Variants in IDO2 observed in about 807,000 individuals in gnomAD.
The protein encoded by IDO2 is indoleamine 2,3-dioxygenase-like 1 protein.
Under a neutral mutation model 45.1 loss-of-function variants are expected in IDO2, and 46 were observed. The observed-to-expected ratio is 1.02, with a 90% CI of 0.80 to 1.30. The LOEUF (loss-of-function observed/expected upper bound fraction) is 1.30. Ranked by LOEUF, IDO2 falls within the 50% of genes most tolerant of loss-of-function variation. The pLI is 0.00. For missense variants in IDO2, 544 were observed against 491.8 expected (o/e 1.11, Z -1.00); for synonymous variants, 218 against 184.9 (o/e 1.18, Z -1.45).
intron 2 of IDO2, 135 bp from the exon 3 acceptor site, chr8:39,963,473 T>C: frequency 1.6e-6 from 1 of 611,294 alleles, no homozygotes; most frequent in Non-Finnish European, 2.9e-6. Context: ...CTAACTAGCA[T>C]ATGGTGCATT....
intron 3 of IDO2, among the ~76,000 whole-genome samples, chr8:39,977,108 A>G (rs1808270147): frequency 1.3e-5 from 2 of 152,220 alleles, no homozygotes; most frequent in African/African-American, 2.4e-5. Flanking sequence ...AAAATTTTAG[A>G]ACATTTATAT....
chr8:39,996,699 G>A (rs1016005269), intron 8 of IDO2, among the ~76,000 whole-genome samples: 1 of 152,058 alleles, frequency 6.6e-6, no homozygotes, highest in Admixed American at 6.6e-5. Context: ...ACAGGCATGA[G>A]CCACCGCATC....
chr8:39,934,918 G>A, exon 1 of IDO2: 3 of 569,596 alleles, frequency 5.3e-6, no homozygotes, highest in East Asian at 3.2e-5. Context: ...GCTGGTGTCT[G>A]CAAAGTTGAG....
At chr8:39,962,580 T>A (rs1324244816) in intron 2 of IDO2, among the ~76,000 whole-genome samples, 5 of 152,264 alleles carry the variant, frequency 3.3e-5, no homozygotes, top group African/African-American at 1.2e-4. Flanking sequence ...CCAGGAAGAA[T>A]TAGGCAGGTG....
chr8:39,957,042 CAAA>C (rs56064306), intron 2 of IDO2, among the ~76,000 whole-genome samples: 39 of 31,324 alleles, frequency 1.2e-3, no homozygotes, highest in Admixed American at 6.0e-3. Flanking sequence ...GACTCCATCT[CAAA>C]AAAAAAAAAA....
At chr8:39,961,990 A>G (rs377430206) in intron 2 of IDO2, among the ~76,000 whole-genome samples, 9 of 152,336 alleles carry the variant, frequency 5.9e-5, no homozygotes, top group Admixed American at 2.0e-4. Context: ...CTTGCTTACC[A>G]TATGGTTTAT....
chr8:39,947,684 G>A (rs1453083687), intron 1 of IDO2, among the ~76,000 whole-genome samples: 1 of 151,938 alleles, frequency 6.6e-6, no homozygotes, highest in Non-Finnish European at 1.5e-5. Context: ...TGTCTCCTTT[G>A]TTTGGTGTAC....
intron 6 of IDO2, among the ~76,000 whole-genome samples, chr8:39,986,626 T>C (rs1331948641): frequency 6.6e-6 from 1 of 152,072 alleles, no homozygotes; most frequent in Non-Finnish European, 1.5e-5. Flanking sequence ...TTAGAAATGA[T>C]TCCTCTGTAA....
rs1242933460 is a variant in IDO2, at chr8:39,994,575, G to T, written c.667+4737G>T. ...CCTGGACTGATTATTTTTTAAATAG[G>T]GTTAGAAAGTGAGGAAGTTACTAAA... On this transcript the variant is annotated intron_variant, in intron 8 of 10. Coordinates refer to ENST00000502986, the Ensembl canonical transcript of IDO2. Among the ~76,000 whole-genome samples, 4 of 152,146 alleles carry T rather than the reference G, an allele frequency of 2.6e-5. 1 individual carries two copies. In the Middle Eastern group the frequency reaches 0.01, roughly 388 times the overall value.
intron 8 of IDO2, among the ~76,000 whole-genome samples, chr8:39,993,985 C>A (rs965834597): frequency 2.6e-5 from 4 of 151,646 alleles, no homozygotes. Context: ...CCAGCCTGGG[C>A]GACAGAGTGA....
Position 39,982,572 on chromosome 8 carries a change from G to A in IDO2, c.316-80G>A, listed in dbSNP as rs571146823. The stretch of plus-strand genomic sequence containing the variant: ...ATCATTTCTGTACCACAGGATTGCC[G>A]AAATAAAAGACAACCATGGTTATTT... On this transcript the variant is annotated intron_variant, in intron 4 of 10. Transcript: ENST00000502986. 2.0e-4 allele frequency: 195 copies of A among 978,944 alleles called. 1 individual carries two copies. Among genetic ancestry groups the A allele is most frequent in the Admixed American group, 2.5e-4 (10 of 39,894 alleles). The allele number at this position is 978,944 out of a possible 1,614,324, so 60.6% of individuals were successfully genotyped here.
intron 4 of IDO2, among the ~76,000 whole-genome samples, chr8:39,982,268 C>A (rs1808365324): frequency 6.7e-6 from 1 of 150,374 alleles, no homozygotes; most frequent in South Asian, 2.1e-4. Context: ...ATATATATTT[C>A]TATCCTTCCA....
rs536506056 is a variant in IDO2 at position 40,015,288 on chromosome 8, C to A, written c.910C>A (p.His304Asn). The A allele has an allele frequency of 1.1e-4, 176 of 1,613,230 alleles. 1 individual carries two copies. In the South Asian group the frequency reaches 1.8e-3, roughly 17 times the overall value. The stretch of plus-strand genomic sequence containing the variant: ...AATGAGGGATTACATGCCTCCTTCC[C>A]ATAAGGCCTTCATAGAAGACATCCA... Residue 304 changes from histidine to asparagine, a missense_variant, in exon 11 of 11, where the codon CAT becomes AAT. His to Asn is a moderately conservative substitution (Grantham distance 68, BLOSUM62 1). Coordinates refer to ENST00000502986, the Ensembl canonical transcript of IDO2.
intron 9 of IDO2, among the ~76,000 whole-genome samples, chr8:40,013,167 A>T (rs1802332676): frequency 6.6e-6 from 1 of 152,118 alleles, no homozygotes; most frequent in South Asian, 2.1e-4. Flanking sequence ...GTTAAAAAGT[A>T]TCTGCTCATC....
At chr8:39,939,242 C>CA (rs57921420) in intron 1 of IDO2, among the ~76,000 whole-genome samples, 29,695 of 114,654 alleles carry the variant, frequency 0.26, 4,904 homozygotes, top group Non-Finnish European at 0.36. Context: ...GACTCCATCT[C>CA]AAAAAAAAAA....
chr8:39,964,389 C>T (rs2129593871), intron 3 of IDO2, among the ~76,000 whole-genome samples: 1 of 152,296 alleles, frequency 6.6e-6, no homozygotes, highest in Admixed American at 6.5e-5. Flanking sequence ...GGAAGTAAAT[C>T]ACTTTCAAAG....
intron 3 of IDO2, among the ~76,000 whole-genome samples, chr8:39,977,321 A>C (rs960643806): frequency 4.6e-5 from 7 of 152,224 alleles, no homozygotes; most frequent in Non-Finnish European, 8.8e-5. Flanking sequence ...CGGCTAAGAG[A>C]GTGTCAATAA....
chr8:39,971,845 A>G (rs2129594122), intron 3 of IDO2, among the ~76,000 whole-genome samples: 1 of 151,234 alleles, frequency 6.6e-6, no homozygotes, highest in Non-Finnish European at 1.5e-5. Context: ...TTTCGTTCTT[A>G]TTGCCCAAGC....
At chr8:39,942,973 T>G (rs1306119489) in intron 1 of IDO2, among the ~76,000 whole-genome samples, 1 of 152,198 alleles carries the variant, frequency 6.6e-6, no homozygotes, top group Non-Finnish European at 1.5e-5. Context: ...AGAGGACAAT[T>G]AAACATGCAG....
Sources: gnomAD v4.1 joint callset for allele counts (sites outside exome capture counted in the v4.1 genomes callset) on GRCh38, gnomAD v4.1.1 for gene constraint, MANE v1.5 for transcripts, NCBI Gene and HGNC (gene_info 2026-07-23, HGNC 2026-07-21) for gene names.